Variants in MAP2 observed in about 807,000 individuals in gnomAD.
MAP2 encodes the protein microtubule associated protein 2.
MAP2 carries 14 observed loss-of-function variants against 137.6 expected under a neutral mutation model. That is an observed-to-expected ratio of 0.10 (90% CI 0.07 to 0.16). MAP2 has a LOEUF of 0.16. MAP2 is among the 10% of genes least tolerant of loss of function. The pLI is 1.00. For synonymous variants in MAP2, 786 were observed against 782.3 expected, an observed-to-expected ratio of 1.00 and a Z score of -0.08; for missense variants, 2,088 against 2,191.5, an observed-to-expected ratio of 0.95 and a Z score of 0.94.
chr2:209,466,451 T>TG (rs1435176180), intron 1 of MAP2, among the ~76,000 whole-genome samples: 5 of 152,172 alleles, frequency 3.3e-5, no homozygotes, highest in Non-Finnish European at 7.3e-5. Context: ...TAGTATCTTC[T>TG]TTATCAGGTT....
At chr2:209,451,778 T>C (rs1481871991) in intron 1 of MAP2, among the ~76,000 whole-genome samples, 1 of 152,178 alleles carries the variant, frequency 6.6e-6, no homozygotes, top group African/African-American at 2.4e-5. Flanking sequence ...GTCTGCAACA[T>C]TGTTTTTTCT....
At chr2:209,681,933 T>C (rs1026690414) in intron 7 of MAP2, among the ~76,000 whole-genome samples, 1 of 152,144 alleles carries the variant, frequency 6.6e-6, no homozygotes, top group Non-Finnish European at 1.5e-5. Flanking sequence ...TTTTCTTTCT[T>C]AAATTGAAGC....
chr2:209,672,359 AT>A (rs1229652052), intron 5 of MAP2, among the ~76,000 whole-genome samples: 1 of 151,924 alleles, frequency 6.6e-6, no homozygotes. Flanking sequence ...TCTTACCTAC[AT>A]TTTGTCAATC....
At chr2:209,648,093 A>G (rs573012553) in intron 4 of MAP2, among the ~76,000 whole-genome samples, 1 of 148,340 alleles carries the variant, frequency 6.7e-6, no homozygotes, top group South Asian at 2.1e-4. Flanking sequence ...ATAGATGTTT[A>G]AACGTCTTGG....
intron 7 of MAP2, among the ~76,000 whole-genome samples, chr2:209,687,148 A>T (rs1238548737): frequency 1.3e-5 from 2 of 151,054 alleles, no homozygotes; most frequent in African/African-American, 4.9e-5. Flanking sequence ...GATTGAAATT[A>T]AAAATGACTT....
At chr2:209,660,630 C>T (rs1431330919) in intron 5 of MAP2, among the ~76,000 whole-genome samples, 2 of 148,740 alleles carry the variant, frequency 1.3e-5, no homozygotes, top group Admixed American at 6.7e-5. Flanking sequence ...CTCCTGACCT[C>T]GTGATCCGCC....
chr2:209,427,324 AT>A (rs1692830201), intron 1 of MAP2, among the ~76,000 whole-genome samples: 1 of 151,520 alleles, frequency 6.6e-6, no homozygotes, highest in African/African-American at 2.5e-5. Flanking sequence ...GAACCTGAAG[AT>A]AACAGTTTTG....
At chr2:209,714,181 A>G (rs2153782833) in intron 13 of MAP2, among the ~76,000 whole-genome samples, 1 of 152,340 alleles carries the variant, frequency 6.6e-6, no homozygotes, top group African/African-American at 2.4e-5. Context: ...AACCTGGGCA[A>G]CAAGAATGAA....
intron 7 of MAP2, among the ~76,000 whole-genome samples, chr2:209,689,474 C>T (rs888057129): frequency 2.6e-5 from 4 of 152,062 alleles, no homozygotes; most frequent in Admixed American, 2.6e-4. Context: ...TATAAAACAG[C>T]TCATATATTT....
intron 10 of MAP2, among the ~76,000 whole-genome samples, chr2:209,698,219 A>G (rs187413386): frequency 1.2e-4 from 19 of 152,292 alleles, no homozygotes; most frequent in Admixed American, 1.2e-3. Flanking sequence ...AAACAAAGGA[A>G]TGAAACTTGT....
Position 209,696,639 on chromosome 2 carries a change from A to T in MAP2, c.4278A>T (p.Arg1426Ser). The T allele has an allele frequency of 6.2e-7, 1 of 1,613,914 alleles. No individual in the cohort carries two copies. Among genetic ancestry groups the T allele is most frequent in the Non-Finnish European group, 8.5e-7 (1 of 1,179,906 alleles). Residue 1426 changes from arginine to serine, a missense_variant, in exon 9 of 16, where the codon AGA (arginine) becomes AGT (serine). Arg to Ser is a moderately radical substitution (Grantham distance 110, BLOSUM62 -1). Transcript: ENST00000682079. The part of the protein sequence containing the change: ...EARRSSLEKH[R>S]KEKPFKTGRG... ...GGAGATCATCTCTTGAGAAACATAG[A>T]AAAGAAAAGCCTTTTAAAACCGGGA...
At chr2:209,683,407 A>G (rs1182899169) in intron 7 of MAP2, among the ~76,000 whole-genome samples, 1 of 152,196 alleles carries the variant, frequency 6.6e-6, no homozygotes, top group African/African-American at 2.4e-5. Context: ...TAAGAAAAAC[A>G]GATGTATATA....
intron 2 of MAP2, among the ~76,000 whole-genome samples, chr2:209,530,616 C>T (rs140997779): frequency 6.6e-6 from 1 of 152,152 alleles, no homozygotes; most frequent in Non-Finnish European, 1.5e-5. Flanking sequence ...GTATTTTTCT[C>T]AGCTTGAATT....
At chr2:209,633,116 T>C (rs1036250081) in intron 4 of MAP2, among the ~76,000 whole-genome samples, 4 of 152,186 alleles carry the variant, frequency 2.6e-5, no homozygotes, top group African/African-American at 4.8e-5. Flanking sequence ...AGCAGGTGAC[T>C]TGTACTTCCT....
chr2:209,519,948 G>C (rs376149955), intron 2 of MAP2, among the ~76,000 whole-genome samples: 1 of 152,070 alleles, frequency 6.6e-6, no homozygotes, highest in Admixed American at 6.6e-5. Context: ...GGCAGACCTT[G>C]TGGAGAGCAG....
chr2:209,449,965 A>G (rs10174291), intron 1 of MAP2, among the ~76,000 whole-genome samples: 86,081 of 152,018 alleles, frequency 0.57, 26,265 homozygotes, highest in African/African-American at 0.8. Flanking sequence ...ATTTGAGACA[A>G]AGTTTCACTC....
intron 1 of MAP2, among the ~76,000 whole-genome samples, chr2:209,504,749 A>ATT (rs34041601): frequency 1.3e-5 from 2 of 150,662 alleles, no homozygotes; most frequent in African/African-American, 2.4e-5. Flanking sequence ...GCAAGCTATC[A>ATT]TTTTTTTTTT....
At chr2:209,463,850 CA>C (rs2149624149) in intron 1 of MAP2, among the ~76,000 whole-genome samples, 1 of 152,170 alleles carries the variant, frequency 6.6e-6, no homozygotes, top group South Asian at 2.1e-4. Context: ...TTGCCTGAGT[CA>C]AAGGAGAGAC....
chr2:209,660,807 C>T (rs1270283025), intron 5 of MAP2, among the ~76,000 whole-genome samples: 4 of 148,794 alleles, frequency 2.7e-5, no homozygotes, highest in Non-Finnish European at 4.4e-5. Flanking sequence ...GATCTCGGCT[C>T]ACTGCAAGCT....
Sources: allele counts gnomAD v4.1 joint callset (sites outside exome capture counted in the v4.1 genomes callset), GRCh38; gene constraint gnomAD v4.1.1; transcripts MANE v1.5; gene names NCBI Gene and HGNC (gene_info 2026-07-23, HGNC 2026-07-21).